The following ZNF638 variants were observed in gnomAD, a reference collection of about 807,000 sequenced individuals.
ZNF638 encodes the protein zinc finger protein 638, also known as CTCL tumor antigen se33-1.
Under a neutral mutation model 195.6 loss-of-function variants are expected in ZNF638, and 46 were observed. That is an observed-to-expected ratio of 0.24 (90% CI 0.19 to 0.30). The LOEUF (loss-of-function observed/expected upper bound fraction) is 0.30, where lower values mean the gene tolerates loss of function less well. Ranked by LOEUF, ZNF638 falls within the 10% of genes least tolerant of loss-of-function variation. The pLI is 1.00. For missense variants in ZNF638, 2,440 were observed against 2,325.3 expected (o/e 1.05, Z -1.01); for synonymous variants, 845 against 772.0 (o/e 1.09, Z -1.57).
intron 17 of ZNF638, 81 bp from the exon 18 acceptor site, chr2:71,405,520 C>T (rs2080089176): frequency 1.2e-6 from 1 of 845,332 alleles, no homozygotes; most frequent in Non-Finnish European, 1.9e-6. Context: ...TATAGATTGT[C>T]ATGTTATAAA....
intron 20 of ZNF638, among the ~76,000 whole-genome samples, chr2:71,417,251 C>T (rs1389723027): frequency 1.3e-5 from 2 of 151,590 alleles, no homozygotes; most frequent in South Asian, 2.1e-4. Flanking sequence ...CAGGTGCGTC[C>T]GTCACCCCTT....
chr2:71,356,579 T>G (rs2079026458), intron 3 of ZNF638, among the ~76,000 whole-genome samples: 1 of 152,112 alleles, frequency 6.6e-6, no homozygotes, highest in African/African-American at 2.4e-5. Flanking sequence ...TTGCTTGAGC[T>G]CAGGAGTTCA....
At chr2:71,433,726 A>G (rs185429740) in intron 27 of ZNF638, among the ~76,000 whole-genome samples, 329 of 152,364 alleles carry the variant, frequency 2.2e-3, no homozygotes, top group Non-Finnish European at 3.8e-3. Context: ...ATCATTAACC[A>G]TAATTGAAGT....
At chr2:71,418,028 C>G (rs1449816617) in intron 20 of ZNF638, among the ~76,000 whole-genome samples, 1 of 152,166 alleles carries the variant, frequency 6.6e-6, no homozygotes, top group Non-Finnish European at 1.5e-5. Context: ...TGATGCATCC[C>G]AAGTACCCAG....
chr2:71,380,324 A>G (rs1014849585), intron 9 of ZNF638, 44 bp downstream of exon 9: 1 of 1,399,734 alleles, frequency 7.1e-7, no homozygotes, highest in African/African-American at 1.5e-5. Flanking sequence ...AAATGTGCAT[A>G]TGACTTAAGA....
intron 2 of ZNF638, among the ~76,000 whole-genome samples, chr2:71,354,186 TAAC>T (rs1234411749): frequency 2.0e-5 from 3 of 152,218 alleles, no homozygotes; most frequent in Admixed American, 6.5e-5. Context: ...AAACAAATAA[TAAC>T]ATTTTCCTTA....
chr2:71,349,058 G>A lies in ZNF638; in HGVS notation c.104G>A (p.Gly35Glu). The change falls in exon 2 of 28, where the codon GGA (glycine) becomes GAA (glutamate). Residue 35 changes from glycine (G) to glutamate (E), a missense_variant. Transcript: ENST00000264447. Reference sequence around the variant, plus strand: ...CCTCCAGGACCATTTATGAGGCCTGGATCTATGGGTCTCCCAAGATTTTAC... The same window carrying A: ...CCTCCAGGACCATTTATGAGGCCTGAATCTATGGGTCTCCCAAGATTTTAC... ...MRPPGPFMRP[G>E]SMGLPRFYPA... 6.2e-7 allele frequency: 1 copy of A among 1,614,194 alleles called. No homozygotes were observed. Among genetic ancestry groups the A allele is most frequent in the East Asian group, 2.2e-5 (1 of 44,884 alleles).
chr2:71,411,636 C>T (rs1308519698), intron 20 of ZNF638, among the ~76,000 whole-genome samples: 1 of 108,036 alleles, frequency 9.3e-6, no homozygotes, highest in Non-Finnish European at 1.9e-5. Flanking sequence ...TCCCCTGACC[C>T]CACCACAGTC....
At chr2:71,396,285 A>G (rs1421945797) in intron 11 of ZNF638, 94 bp downstream of exon 11, 3 of 987,760 alleles carry the variant, frequency 3.0e-6, no homozygotes, top group South Asian at 1.5e-5. Context: ...TTCACATGAC[A>G]TAGTCTGTAT....
intron 2 of ZNF638, 113 bp from the exon 3 acceptor site, chr2:71,355,602 TTATG>T (rs2104218838): frequency 1.4e-6 from 1 of 739,456 alleles, no homozygotes; most frequent in South Asian, 1.9e-5. Context: ...CAAATGCTAT[TTATG>T]AGTACGTTTG....
chr2:71,424,155 G>A (rs1268724137), intron 22 of ZNF638, 117 bp downstream of exon 22: 27 of 1,350,808 alleles, frequency 2.0e-5, no homozygotes, highest in Admixed American at 1.1e-4. Context: ...ACTCTACCCC[G>A]GAAGCTCCCA....
chr2:71,370,990 G>A (rs2079301571), intron 8 of ZNF638, among the ~76,000 whole-genome samples: 1 of 151,616 alleles, frequency 6.6e-6, no homozygotes, highest in South Asian at 2.1e-4. Flanking sequence ...ACCCTTCCCA[G>A]CCTCATAACC....
rs1180674309 is a variant in ZNF638 at position 71,340,698 on chromosome 2, A to AT, written c.-202-8051dup. Among the ~76,000 whole-genome samples, 3 of 151,810 alleles carry AT rather than the reference A, an allele frequency of 2.0e-5. No individual in the cohort carries two copies. The East Asian group carries it at 5.8e-4, about 29-fold the overall frequency. ...GGTGGTTTTTCTTTTTGGGGGGCGG[A>AT]TTTTGAAACTGTATTGCTTTTTTAT... On this transcript the variant is annotated intron_variant, in intron 1 of 27. Transcript: ENST00000264447.
In ZNF638 at chr2:71,364,024, A is replaced by G. The variant is rs750087779; in HGVS notation, c.1489A>G (p.Arg497Gly). Reference sequence around the variant, plus strand: ...TCATTCCCCCAGTCCTAGGCGTTCTAGAAGATCAAGCTCAAGTCACAGATT... The same window carrying G: ...TCATTCCCCCAGTCCTAGGCGTTCTGGAAGATCAAGCTCAAGTCACAGATT... ...RSHSPSPRRS[R>G]RSSSSHRFRR... Residue 497 changes from arginine to glycine, a missense_variant, in exon 5 of 28, where the codon AGA (arginine) becomes GGA (glycine). Physicochemically the swap from Arg to Gly is moderately radical, Grantham distance 125. Coordinates refer to ENST00000264447, the MANE Select transcript of ZNF638 (RefSeq NM_014497.5). 1.9e-5 allele frequency: 30 copies of G among 1,614,100 alleles called. No homozygotes were observed. The highest frequency in any genetic ancestry group is 2.5e-5 in the Non-Finnish European group (29 of 1,180,030).
At chr2:71,411,387 C>A (rs1431535764) in intron 20 of ZNF638, among the ~76,000 whole-genome samples, 1 of 150,832 alleles carries the variant, frequency 6.6e-6, no homozygotes, top group African/African-American at 2.4e-5. Context: ...GCACTGATTT[C>A]ATAGATGCTG....
At chr2:71,376,399 T>C (rs2079425582) in intron 8 of ZNF638, 2 of 14,664 alleles carry the variant, frequency 1.4e-4, no homozygotes, top group East Asian at 3.9e-4. Flanking sequence ...GTTTTTGTTG[T>C]TGTTTGTTTG....
At chr2:71,373,286 C>G (rs2079349461) in intron 8 of ZNF638, among the ~76,000 whole-genome samples, 1 of 137,930 alleles carries the variant, frequency 7.3e-6, no homozygotes, top group Non-Finnish European at 1.5e-5. Context: ...TTGTCTGTAT[C>G]TTTTCCTATT....
chr2:71,360,397 A>G (rs2079088699), intron 3 of ZNF638, among the ~76,000 whole-genome samples: 1 of 152,210 alleles, frequency 6.6e-6, no homozygotes, highest in Non-Finnish European at 1.5e-5. Context: ...CAATAATTCC[A>G]CAGTTCCTTC....
At chr2:71,370,704 G>A (rs1004675520) in intron 8 of ZNF638, among the ~76,000 whole-genome samples, 1 of 151,772 alleles carries the variant, frequency 6.6e-6, no homozygotes, top group Non-Finnish European at 1.5e-5. Flanking sequence ...AATTTTTGTG[G>A]GTACATAGTA....
Sources: allele counts gnomAD v4.1 joint callset (sites outside exome capture counted in the v4.1 genomes callset), GRCh38; gene constraint gnomAD v4.1.1; transcripts MANE v1.5; gene names NCBI Gene and HGNC (gene_info 2026-07-23, HGNC 2026-07-21).